The following AGPAT1 variants were observed in gnomAD, a reference collection of about 807,000 sequenced individuals.
The protein encoded by AGPAT1 is 1-acyl-sn-glycerol-3-phosphate acyltransferase alpha.
In AGPAT1, 6 loss-of-function variants were observed where a neutral mutation model predicts 31.2. The ratio of observed to expected loss-of-function variants is 0.19; its 90% CI spans 0.11 to 0.38. The LOEUF is 0.38. Among genes scored for constraint, AGPAT1 ranks in the 10% least tolerant of loss-of-function variants. The probability of loss-of-function intolerance (pLI) is 1.00; values close to 1 mark genes in which losing one functional copy is unlikely to be tolerated. For missense variants in AGPAT1, 187 were observed against 377.8 expected (o/e 0.49, Z 4.19); for synonymous variants, 139 against 154.0 (o/e 0.90, Z 0.72).
chr6:32,171,193 G>GTC lies in AGPAT1; in HGVS notation c.200+102_200+103dup. ...GTCCTCTCCCCATTCCCTGTCTCTG[G>GTC]TCTCTCTCAGTCTTTTCTACACACA... On this transcript the variant is annotated intron_variant, in intron 2 of 6. Coordinates refer to ENST00000375107, the MANE Select transcript of AGPAT1 (RefSeq NM_006411.4). The surrounding 1 kb of genome is among the most constrained non-coding windows in gnomAD (Gnocchi z 6.9). 3.8e-6 allele frequency: 6 copies of GTC among 1,593,744 alleles called. No homozygotes were observed. The highest frequency in any genetic ancestry group is 1.3e-5 in the African/African-American group (1 of 74,680).
Position 32,168,227 on chromosome 6 carries a change from A to C in AGPAT1, c.*1049T>G. The stretch of plus-strand genomic sequence containing the variant: ...AACACCCAGATCTCTCTCTCTCTTT[A>C]TTTTCAGTTTTTTTGCTGTTATCCA... On this transcript the variant is annotated 3_prime_UTR_variant, in exon 7 of 7. Coordinates refer to ENST00000375107, the MANE Select transcript of AGPAT1 (RefSeq NM_006411.4). This position sits in a 1 kb window ranked among gnomAD's most constrained non-coding sequence, Gnocchi z 4.5. 1 of 470,280 alleles carries C rather than the reference A, an allele frequency of 2.1e-6. No individual in the cohort carries two copies. Among genetic ancestry groups the C allele is most frequent in the Non-Finnish European group, 3.8e-6 (1 of 263,674 alleles). 29.1% of individuals were successfully genotyped at this position (470,280 alleles called of 1,614,324 possible).
In AGPAT1 at chr6:32,171,832, G is replaced by A. The variant is rs1785134464; in HGVS notation, c.-9-327C>T. On this transcript the variant is annotated intron_variant, in intron 1 of 6. Coordinates refer to ENST00000375107, the MANE Select transcript of AGPAT1 (RefSeq NM_006411.4). This position sits in a 1 kb window ranked among gnomAD's most constrained non-coding sequence, Gnocchi z 6.9. ...TAGCTAACACTTGTAGCTGGTAAGGGTCTTATAATGGTCTATACTTGTGCT... is the reference window on the plus strand; with the variant it reads ...TAGCTAACACTTGTAGCTGGTAAGGATCTTATAATGGTCTATACTTGTGCT... 2.0e-6 allele frequency: 1 copy of A among 492,112 alleles called. No homozygotes were observed. The highest frequency in any genetic ancestry group is 1.9e-5 in the African/African-American group (1 of 51,994). 30.5% of individuals were successfully genotyped at this position (492,112 alleles called of 1,614,324 possible).
rs962888018 is a variant in AGPAT1 at position 32,169,937 on chromosome 6, C to G, written c.679+29G>C. ...GTCCTCCCAGCCTCTCCGGACACAC[C>G]CTACCCCAGAACTGCTCAAAGCCCT... On this transcript the variant is annotated intron_variant, in intron 6 of 6. Coordinates refer to ENST00000375107, the MANE Select transcript of AGPAT1 (RefSeq NM_006411.4). The surrounding 1 kb of genome is among the most constrained non-coding windows in gnomAD (Gnocchi z 5.9). The G allele has an allele frequency of 1.3e-6, 2 of 1,598,558 alleles. No homozygotes were observed. The highest frequency in any genetic ancestry group is 1.3e-5 in the African/African-American group (1 of 74,636).
chr6:32,178,089 A>G (rs59564381), upstream of AGPAT1: 4,307 of 154,514 alleles, frequency 0.028, 145 homozygotes, highest in African/African-American at 0.085. Context: ...ACATTCTCTA[A>G]AAGAGGAAGC....
Position 32,171,574 on chromosome 6 carries a change from A to G in AGPAT1, c.-9-69T>C. On this transcript the variant is annotated intron_variant, in intron 1 of 6. Coordinates refer to ENST00000375107, the MANE Select transcript of AGPAT1 (RefSeq NM_006411.4). This position sits in a 1 kb window ranked among gnomAD's most constrained non-coding sequence, Gnocchi z 6.9. ...GAGAGTGGGGTAGGCAAGGCACAGAAGGCAGGGCTGGGGGCTGGTGCTATG... is the reference window on the plus strand; with the variant it reads ...GAGAGTGGGGTAGGCAAGGCACAGAGGGCAGGGCTGGGGGCTGGTGCTATG... The G allele has an allele frequency of 6.5e-7, 1 of 1,527,646 alleles. No individual in the cohort carries two copies. The highest frequency in any genetic ancestry group is 1.2e-5 in the South Asian group (1 of 83,564). 94.6% of individuals were successfully genotyped at this position (1,527,646 alleles called of 1,614,324 possible). A position where few individuals can be genotyped will look rare whatever the true frequency, so the allele number is the denominator to read the frequency against.
In AGPAT1 at chr6:32,170,050, T is replaced by A; in HGVS notation, c.607-12A>T. 1 of 1,613,270 alleles carries A rather than the reference T, an allele frequency of 6.2e-7. No homozygotes were observed. The highest frequency in any genetic ancestry group is 1.3e-5 in the African/African-American group (1 of 74,960). Reference sequence around the variant, plus strand: ...GGGACAATGGGAACCTGGGGAAGGGTTAAAGCAGGTCAGTCCACAGCTCTC... The same window carrying A: ...GGGACAATGGGAACCTGGGGAAGGGATAAAGCAGGTCAGTCCACAGCTCTC... On this transcript the variant is annotated splice_polypyrimidine_tract_variant and intron_variant, in intron 5 of 6. Transcript: ENST00000375107. The surrounding 1 kb of genome is among the most constrained non-coding windows in gnomAD (Gnocchi z 7.7).
In AGPAT1 at chr6:32,169,578, G is replaced by T; in HGVS notation, c.680-130C>A. ...CCCCAACCCTGGACAACCATCCCTG[G>T]GCTTGCCAGCTGCCACTTCTGAGGC... On this transcript the variant is annotated intron_variant, in intron 6 of 6. Coordinates refer to ENST00000375107, the MANE Select transcript of AGPAT1 (RefSeq NM_006411.4). The surrounding 1 kb of genome is among the most constrained non-coding windows in gnomAD (Gnocchi z 5.9). 8.5e-7 allele frequency: 1 copy of T among 1,183,020 alleles called. No individual in the cohort carries two copies. Among genetic ancestry groups the T allele is most frequent in the Non-Finnish European group, 1.2e-6 (1 of 854,466 alleles). The allele number at this position is 1,183,020 out of a possible 1,614,324, so 73.3% of individuals were successfully genotyped here.
upstream of AGPAT1, chr6:32,176,931 A>G: frequency 1.3e-5 from 5 of 398,194 alleles, no homozygotes; most frequent in Non-Finnish European, 1.3e-5. Flanking sequence ...TTTGGTAGCC[A>G]TGTATCTAGT....
rs190150714 is a variant in AGPAT1 at position 32,174,645 on chromosome 6, T to C, written c.-10+1169A>G. The stretch of plus-strand genomic sequence containing the variant: ...ACAGCCACTGGAAAGATAATGTTTG[T>C]GTAGAGAGGTATGGGCCAGGGAGGT... On this transcript the variant is annotated intron_variant, in intron 1 of 6. Coordinates refer to ENST00000375107, the MANE Select transcript of AGPAT1 (RefSeq NM_006411.4). This position sits in a 1 kb window ranked among gnomAD's most constrained non-coding sequence, Gnocchi z 4.5. Among the ~76,000 whole-genome samples, 366 of 152,336 alleles carry C rather than the reference T, an allele frequency of 2.4e-3. 1 individual carries two copies. Among genetic ancestry groups the C allele is most frequent in the African/African-American group, 8.4e-3 (349 of 41,574 alleles).
rs1440650772 is a variant in AGPAT1, at chr6:32,173,822, AG to A, written c.-10+1991del. ...TCTTGATCAGCGGGTCTCGAAGTAT[AG>A]AAATGCAAATTATTAGACTTCACCC... On this transcript the variant is annotated intron_variant, in intron 1 of 6. Transcript: ENST00000375107. The surrounding 1 kb of genome is among the most constrained non-coding windows in gnomAD (Gnocchi z 4.7). 6.6e-6 allele frequency among the ~76,000 whole-genome samples: 1 copy of A among 152,222 alleles called. No individual in the cohort carries two copies. The highest frequency in any genetic ancestry group is 2.4e-5 in the African/African-American group (1 of 41,462).
Position 32,171,101 on chromosome 6 carries a change from G to A in AGPAT1, c.201-31C>T. 2.5e-6 allele frequency: 4 copies of A among 1,603,818 alleles called. No homozygotes were observed. Among genetic ancestry groups the A allele is most frequent in the Non-Finnish European group, 3.4e-6 (4 of 1,173,210 alleles). ...GGGTCATGGCAAGGGGTCCCAGTGGGATCCATTGATGTCCATCTGCATGCC... is the reference window on the plus strand; with the variant it reads ...GGGTCATGGCAAGGGGTCCCAGTGGAATCCATTGATGTCCATCTGCATGCC... On this transcript the variant is annotated intron_variant, in intron 2 of 6. Transcript: ENST00000375107. This position sits in a 1 kb window ranked among gnomAD's most constrained non-coding sequence, Gnocchi z 6.9.
At position 32,169,274 on chromosome 6, in the gene AGPAT1, G is replaced by A. The variant is rs1352364999; in HGVS notation, c.*2C>T. ...GATGGGAGGAGAGCTCAGAGCCAGG[G>A]TTCACCCACCGCCCCCAGGCTTCTT... is the stretch of plus-strand genomic sequence containing the variant. On this transcript the variant is annotated 3_prime_UTR_variant, in exon 7 of 7. Coordinates refer to ENST00000375107, the MANE Select transcript of AGPAT1 (RefSeq NM_006411.4). The surrounding 1 kb of genome is among the most constrained non-coding windows in gnomAD (Gnocchi z 5.9). The A allele has an allele frequency of 1.9e-6, 3 of 1,612,504 alleles. No homozygotes were observed. In the South Asian group the frequency reaches 3.3e-5, roughly 18 times the overall value.
rs1236284646 is a variant in AGPAT1, at chr6:32,170,786, T to G, written c.334+151A>C. 1 of 1,277,650 alleles carries G rather than the reference T, an allele frequency of 7.8e-7. No individual in the cohort carries two copies. Among genetic ancestry groups the G allele is most frequent in the Non-Finnish European group, 1.1e-6 (1 of 905,096 alleles). 79.1% of individuals were successfully genotyped at this position (1,277,650 alleles called of 1,614,324 possible). ...ATATGTAACCTGCTTATGAGGGCAG[T>G]TCTACCCAGGGAATGAAGGCCTGAG... On this transcript the variant is annotated intron_variant, in intron 3 of 6. Coordinates refer to ENST00000375107, the MANE Select transcript of AGPAT1 (RefSeq NM_006411.4). This position sits in a 1 kb window ranked among gnomAD's most constrained non-coding sequence, Gnocchi z 7.7.
At position 32,170,527 on chromosome 6, in the gene AGPAT1, C is replaced by A; in HGVS notation, c.408G>T (p.Gly136=). The change falls in exon 4 of 7, where the codon GGG becomes GGT. Residue 136 remains glycine (G), a synonymous_variant. Transcript: ENST00000375107. The surrounding 1 kb of genome is among the most constrained non-coding windows in gnomAD (Gnocchi z 7.7). ...TGACTCCTGCCAGCCAGCAGGCCAGCCCGGCAGAGCCAGCCCACAGTAGCT... is the reference window on the plus strand; with the variant it reads ...TGACTCCTGCCAGCCAGCAGGCCAGACCGGCAGAGCCAGCCCACAGTAGCT... ...KRELLWAGSA[G]LACWLAGVIF... The A allele has an allele frequency of 6.2e-7, 1 of 1,613,004 alleles. No homozygotes were observed. The highest frequency in any genetic ancestry group is 8.5e-7 in the Non-Finnish European group (1 of 1,180,042).
At position 32,173,456 on chromosome 6, in the gene AGPAT1, C is replaced by T. The variant is rs1785273283; in HGVS notation, c.-9-1951G>A. Among the ~76,000 whole-genome samples the T allele has an allele frequency of 6.6e-6, 1 of 152,196 alleles. No homozygotes were observed. On this transcript the variant is annotated intron_variant, in intron 1 of 6. Transcript: ENST00000375107. This position sits in a 1 kb window ranked among gnomAD's most constrained non-coding sequence, Gnocchi z 4.7. ...CCCTGAACTATGTGGAGTAGGCTCC[C>T]AACTCCCTCCAATCCATCTTCCACG...
In AGPAT1 at chr6:32,174,570, A is replaced by G. The variant is rs1785370982; in HGVS notation, c.-10+1244T>C. Among the ~76,000 whole-genome samples, 1 of 152,210 alleles carries G rather than the reference A, an allele frequency of 6.6e-6. No individual in the cohort carries two copies. On this transcript the variant is annotated intron_variant, in intron 1 of 6. Transcript: ENST00000375107. This position sits in a 1 kb window ranked among gnomAD's most constrained non-coding sequence, Gnocchi z 4.5. ...AATAAATACCAACAATGGGGTTCAC[A>G]GCAGGATTGACCCTGTGACATGCAT...
chr6:32,169,893 C>T lies in AGPAT1; in HGVS notation c.679+73G>A, dbSNP rs755688459. The T allele has an allele frequency of 2.9e-5, 38 of 1,332,824 alleles. No individual in the cohort carries two copies. The highest frequency in any genetic ancestry group is 4.0e-5 in the Non-Finnish European group (37 of 934,930). 82.6% of individuals were successfully genotyped at this position (1,332,824 alleles called of 1,614,324 possible). A position where few individuals can be genotyped will look rare whatever the true frequency, so the allele number is the denominator to read the frequency against. On this transcript the variant is annotated intron_variant, in intron 6 of 6. Transcript: ENST00000375107. This position sits in a 1 kb window ranked among gnomAD's most constrained non-coding sequence, Gnocchi z 5.9. ...TCTCATGGCTCTGACACTGAATGAT[C>T]CCCCTGCCTCACAGGGATGTCCTCC...
At chr6:32,177,180 C>G, upstream of AGPAT1, 1 of 398,474 alleles carries the variant, frequency 2.5e-6, no homozygotes, top group Non-Finnish European at 4.4e-6. Context: ...CACCTTTACC[C>G]TGCATTAGTT....
rs934381235 is a variant in AGPAT1, at chr6:32,174,801, G to T, written c.-10+1013C>A. Among the ~76,000 whole-genome samples the T allele has an allele frequency of 6.6e-6, 1 of 152,144 alleles. No homozygotes were observed. Among genetic ancestry groups the T allele is most frequent in the African/African-American group, 2.4e-5 (1 of 41,426 alleles). On this transcript the variant is annotated intron_variant, in intron 1 of 6. Transcript: ENST00000375107. The surrounding 1 kb of genome is among the most constrained non-coding windows in gnomAD (Gnocchi z 4.5). ...CCAAGGATTTAGAAATGCAATGGAG[G>T]GCCAAATTTAATGAGCATACGGCTC...
Sources: allele counts gnomAD v4.1 joint callset (sites outside exome capture counted in the v4.1 genomes callset), GRCh38; gene constraint gnomAD v4.1.1; non-coding constraint Gnocchi (gnomAD v3.1); transcripts MANE v1.5; gene names NCBI Gene and HGNC (gene_info 2026-07-23, HGNC 2026-07-21).